GPC5: variants seen among roughly 807,000 people sequenced by gnomAD.
GPC5 encodes glypican 5, also known as glypican-5.
A neutral mutation model predicts 53.9 loss-of-function variants in GPC5; 47 were observed. That is an observed-to-expected ratio of 0.87 (90% CI 0.69 to 1.11). The LOEUF is 1.11. Among genes scored for constraint, GPC5 ranks in the 50% most tolerant of loss-of-function variants. GPC5 has a pLI of 0.00. For missense variants in GPC5, 748 were observed against 713.1 expected (o/e 1.05, Z -0.56); for synonymous variants, 286 against 263.3 (o/e 1.09, Z -0.84).
intron 7 of GPC5, among the ~76,000 whole-genome samples, chr13:92,732,409 T>A (rs985805005): frequency 2.0e-5 from 3 of 151,646 alleles, no homozygotes; most frequent in African/African-American, 7.3e-5. Flanking sequence ...GGATACTTTT[T>A]ATTACTACTG....
intron 6 of GPC5, among the ~76,000 whole-genome samples, chr13:92,116,447 C>A (rs77851698): frequency 6.6e-6 from 1 of 152,114 alleles, no homozygotes; most frequent in Non-Finnish European, 1.5e-5. Flanking sequence ...TTAAGCCTCC[C>A]GGTTTGTGAT....
chr13:91,881,923 C>A (rs1280808759), intron 5 of GPC5, among the ~76,000 whole-genome samples: 1 of 152,108 alleles, frequency 6.6e-6, no homozygotes, highest in African/African-American at 2.4e-5. Context: ...ACTTAAAAAT[C>A]AGGGAGTTTT....
At chr13:92,278,188 T>A (rs2042889388) in intron 7 of GPC5, among the ~76,000 whole-genome samples, 1 of 151,924 alleles carries the variant, frequency 6.6e-6, no homozygotes, top group Admixed American at 6.6e-5. Flanking sequence ...GTAAACAAAG[T>A]GTGGTCTACA....
intron 5 of GPC5, among the ~76,000 whole-genome samples, chr13:91,764,635 GT>G (rs1225534510): frequency 1.3e-5 from 2 of 152,082 alleles, no homozygotes; most frequent in Non-Finnish European, 2.9e-5. Context: ...CTTACTCTTC[GT>G]TTTTCCCCTC....
intron 6 of GPC5, among the ~76,000 whole-genome samples, chr13:91,929,200 A>G (rs765819925): frequency 1.3e-5 from 2 of 152,106 alleles, no homozygotes; most frequent in Non-Finnish European, 2.9e-5. Flanking sequence ...TTTACTGTAC[A>G]TATTTCTAAA....
intron 7 of GPC5, among the ~76,000 whole-genome samples, chr13:92,833,734 A>C (rs1229190752): frequency 6.6e-6 from 1 of 152,204 alleles, no homozygotes; most frequent in Non-Finnish European, 1.5e-5. Flanking sequence ...AGACAAGGAG[A>C]TCACAGACAG....
At chr13:91,621,434 C>T (rs974531005) in intron 2 of GPC5, among the ~76,000 whole-genome samples, 4 of 152,026 alleles carry the variant, frequency 2.6e-5, no homozygotes, top group South Asian at 2.1e-4. Flanking sequence ...TCCTTTGTTT[C>T]GGTGACAGGT....
chr13:92,576,554 T>G (rs1444747596), intron 7 of GPC5, among the ~76,000 whole-genome samples: 1 of 152,180 alleles, frequency 6.6e-6, no homozygotes, highest in Admixed American at 6.6e-5. Flanking sequence ...CCTCCTTTGA[T>G]GTCAGAGCCT....
chr13:91,648,605 T>C (rs189725152), intron 2 of GPC5, among the ~76,000 whole-genome samples: 4 of 152,274 alleles, frequency 2.6e-5, no homozygotes, highest in African/African-American at 4.8e-5. Flanking sequence ...ACAAAAAAAT[T>C]AGTAAATTTT....
intron 7 of GPC5, among the ~76,000 whole-genome samples, chr13:92,521,883 C>A (rs1478035999): frequency 6.6e-6 from 1 of 152,222 alleles, no homozygotes; most frequent in Admixed American, 6.5e-5. Flanking sequence ...ACCCACCTGA[C>A]AAAGGGCTAA....
chr13:91,731,927 A>G (rs192928322), intron 4 of GPC5, among the ~76,000 whole-genome samples: 29 of 152,226 alleles, frequency 1.9e-4, no homozygotes, highest in African/African-American at 6.7e-4. Flanking sequence ...TATCTAGTCT[A>G]TAATTGATGG....
chr13:92,271,013 A>AC (rs1215191797), intron 7 of GPC5, among the ~76,000 whole-genome samples: 1 of 152,218 alleles, frequency 6.6e-6, no homozygotes, highest in East Asian at 1.9e-4. Context: ...CTTCAAAAAG[A>AC]CATAGAGGCT....
At chr13:91,880,616 A>G (rs2039253922) in intron 5 of GPC5, among the ~76,000 whole-genome samples, 1 of 152,140 alleles carries the variant, frequency 6.6e-6, no homozygotes, top group South Asian at 2.1e-4. Context: ...ATTTTTTGGG[A>G]ACGCCATATG....
chr13:92,389,411 C>T (rs1312978251), intron 7 of GPC5, among the ~76,000 whole-genome samples: 1 of 152,060 alleles, frequency 6.6e-6, no homozygotes, highest in Non-Finnish European at 1.5e-5. Flanking sequence ...TGGGGAGGCA[C>T]ACACCTTTCA....
At chr13:91,986,348 A>G (rs906942750) in intron 6 of GPC5, among the ~76,000 whole-genome samples, 3 of 152,106 alleles carry the variant, frequency 2.0e-5, no homozygotes, top group Non-Finnish European at 2.9e-5. Flanking sequence ...TACAGGCGTC[A>G]GCCACCACGC....
Position 92,425,536 on chromosome 13 carries a change from A to G in GPC5, c.1561+280547A>G, listed in dbSNP as rs111962136. Among the ~76,000 whole-genome samples, 586 of 152,240 alleles carry G rather than the reference A, an allele frequency of 3.8e-3. 6 individuals carry two copies. Among genetic ancestry groups the G allele is most frequent in the African/African-American group, 0.014 (568 of 41,562 alleles). ...GGAAACAAGTGACTTAATAAAATCA[A>G]ACAACTAAGGAGTGGCTGTCCAGTT... On this transcript the variant is annotated intron_variant, in intron 7 of 7. Coordinates refer to ENST00000377067, the MANE Select transcript of GPC5 (RefSeq NM_004466.6).
At chr13:91,726,474 A>C (rs915657555) in intron 3 of GPC5, among the ~76,000 whole-genome samples, 31 of 152,198 alleles carry the variant, frequency 2.0e-4, no homozygotes, top group African/African-American at 7.2e-4. Context: ...TTAGCCTGGC[A>C]TTTAAAGCCC....
intron 4 of GPC5, among the ~76,000 whole-genome samples, chr13:91,742,621 A>G (rs1453745356): frequency 6.6e-6 from 1 of 152,182 alleles, no homozygotes; most frequent in Non-Finnish European, 1.5e-5. Context: ...GGTATTCAAC[A>G]GATGCCCACT....
chr13:91,559,449 C>A (rs1357293312), intron 2 of GPC5, among the ~76,000 whole-genome samples: 1 of 152,118 alleles, frequency 6.6e-6, no homozygotes, highest in African/African-American at 2.4e-5. Flanking sequence ...GTTACTCTAG[C>A]TAGAGGGCTG....
Sources: allele counts gnomAD v4.1 joint callset (sites outside exome capture counted in the v4.1 genomes callset), GRCh38; gene constraint gnomAD v4.1.1; transcripts MANE v1.5; gene names NCBI Gene and HGNC (gene_info 2026-07-23, HGNC 2026-07-21).